The following ZNF536 variants were observed in gnomAD, a reference collection of about 807,000 sequenced individuals.
ZNF536 encodes zinc finger protein 536.
In ZNF536, 13 loss-of-function variants were observed where a neutral mutation model predicts 84.5. The ratio of observed to expected loss-of-function variants is 0.15; its 90% CI spans 0.10 to 0.24. The LOEUF (loss-of-function observed/expected upper bound fraction) is 0.24, where lower values mean the gene tolerates loss of function less well. Ranked by LOEUF, ZNF536 falls within the 10% of genes least tolerant of loss-of-function variation. The pLI is 1.00. For missense variants in ZNF536, 1,536 were observed against 1,747.5 expected, an observed-to-expected ratio of 0.88 and a Z score of 2.16; for synonymous variants, 811 against 742.5, an observed-to-expected ratio of 1.09 and a Z score of -1.50.
chr19:30,532,436 A>G (rs2044874995), intron 2 of ZNF536, among the ~76,000 whole-genome samples: 1 of 152,078 alleles, frequency 6.6e-6, no homozygotes, highest in Non-Finnish European at 1.5e-5. Flanking sequence ...CGGCCCAATA[A>G]TTACACTTCT....
chr19:30,307,623 C>A (rs1234887367), intron 2 of ZNF536, among the ~76,000 whole-genome samples: 1 of 152,164 alleles, frequency 6.6e-6, no homozygotes, highest in Non-Finnish European at 1.5e-5. Flanking sequence ...ATACGTCCCT[C>A]CTGCTTCATA....
At chr19:30,564,473 G>A (rs376735174) in intron 1 of ZNF536, among the ~76,000 whole-genome samples, 5 of 152,108 alleles carry the variant, frequency 3.3e-5, no homozygotes, top group Non-Finnish European at 5.9e-5. Flanking sequence ...AACCTTTTCC[G>A]AAGCCTCCTG....
chr19:30,339,109 C>T (rs1033708468), intron 2 of ZNF536, among the ~76,000 whole-genome samples: 3 of 152,178 alleles, frequency 2.0e-5, no homozygotes, highest in Non-Finnish European at 4.4e-5. Flanking sequence ...CTGCATGTGC[C>T]GCCGCCTCCT....
rs1409346557 is a variant in ZNF536 at position 30,445,577 on chromosome 19, G to C, written c.2015G>C (p.Arg672Pro). Reference sequence around the variant, plus strand: ...CTGCACGTGGGCCTGGATGAGCGGCGTGGCTCGGGCAGTGACCAGGAGTCC... The same window carrying C: ...CTGCACGTGGGCCTGGATGAGCGGCCTGGCTCGGGCAGTGACCAGGAGTCC... ...DGLHVGLDER[R>P]GSGSDQESQS... is the part of the protein sequence containing the mutation. Residue 672 changes from arginine to proline, a missense_variant, in exon 2 of 5, where the codon CGT becomes CCT. Arg to Pro is a moderately radical substitution (Grantham distance 103). Coordinates refer to ENST00000355537, the MANE Select transcript of ZNF536 (RefSeq NM_014717.3). This position sits in a 1 kb window ranked among gnomAD's most constrained non-coding sequence, Gnocchi z 4.5. 1.2e-6 allele frequency: 2 copies of C among 1,613,224 alleles called. No individual in the cohort carries two copies. Among genetic ancestry groups the C allele is most frequent in the South Asian group, 1.1e-5 (1 of 91,024 alleles).
chr19:30,471,471 T>C (rs2053631829), intron 2 of ZNF536, among the ~76,000 whole-genome samples: 1 of 152,228 alleles, frequency 6.6e-6, no homozygotes. Flanking sequence ...GGCTCCTGGG[T>C]GACGTGCACA....
At chr19:30,703,712 T>C (rs1337785507) in intron 1 of ZNF536, among the ~76,000 whole-genome samples, 2 of 152,182 alleles carry the variant, frequency 1.3e-5, no homozygotes, top group Non-Finnish European at 2.9e-5. Flanking sequence ...TGAGTCAGCT[T>C]AGATCAACAG....
chr19:30,382,822 G>C (rs2049075436), intron 1 of ZNF536, among the ~76,000 whole-genome samples: 1 of 152,104 alleles, frequency 6.6e-6, no homozygotes, highest in African/African-American at 2.4e-5. Flanking sequence ...GACTTCTGAA[G>C]CACACAGGTG....
At chr19:30,344,057 C>T (rs976139213) in intron 2 of ZNF536, among the ~76,000 whole-genome samples, 1 of 151,894 alleles carries the variant, frequency 6.6e-6, no homozygotes, top group African/African-American at 2.4e-5. Context: ...GTTGAAGGGG[C>T]CCCTGTCAGA....
rs1283837963 is a variant in ZNF536 at position 30,573,632 on chromosome 19, A to C, written c.169+24118A>C. ...TTGTCCTCACGGACCAAGACTGTCC[A>C]TGACAGAGTCCATGGATTGAACTAC... On this transcript the variant is annotated intron_variant, in intron 1 of 1. Coordinates refer to the ZNF536 transcript ENST00000592773. Among the ~76,000 whole-genome samples the C allele has an allele frequency of 2.6e-5, 4 of 152,228 alleles. No homozygotes were observed. In the East Asian group the frequency reaches 7.7e-4, roughly 29 times the overall value.
chr19:30,376,530 C>G (rs1020303576), intron 1 of ZNF536, among the ~76,000 whole-genome samples: 1 of 152,170 alleles, frequency 6.6e-6, no homozygotes, highest in African/African-American at 2.4e-5. Flanking sequence ...CTGGATACTC[C>G]GTGGGTCTGG....
At chr19:30,563,275 C>T (rs973897922) in intron 1 of ZNF536, among the ~76,000 whole-genome samples, 1 of 152,256 alleles carries the variant, frequency 6.6e-6, no homozygotes, top group African/African-American at 2.4e-5. Flanking sequence ...TTCTTCCCAT[C>T]CCTGGGGTGA....
chr19:30,697,177 C>T (rs1458128136), intron 1 of ZNF536, among the ~76,000 whole-genome samples: 1 of 152,152 alleles, frequency 6.6e-6, no homozygotes, highest in Non-Finnish European at 1.5e-5. Context: ...CATCAGCACT[C>T]ATGAGAACTC....
chr19:30,701,191 TCACACACACA>T (rs56314262), intron 1 of ZNF536, among the ~76,000 whole-genome samples: 3 of 150,000 alleles, frequency 2.0e-5, no homozygotes, highest in East Asian at 2.0e-4. Flanking sequence ...TATCTCACTC[TCACACACACA>T]CACACACACA....
At chr19:30,575,389 C>T (rs1292020780) in intron 1 of ZNF536, among the ~76,000 whole-genome samples, 1 of 152,204 alleles carries the variant, frequency 6.6e-6, no homozygotes, top group East Asian at 1.9e-4. Flanking sequence ...GACACCACCC[C>T]TCCCATCCAG....
intron 1 of ZNF536, among the ~76,000 whole-genome samples, chr19:30,574,644 A>G (rs1265285579): frequency 6.6e-6 from 1 of 152,230 alleles, no homozygotes; most frequent in African/African-American, 2.4e-5. Context: ...GGGAGCTTGC[A>G]TGCTCACTTA....
intron 2 of ZNF536, among the ~76,000 whole-genome samples, chr19:30,348,839 A>ATTTTTTTTTTTT (rs2047837258): frequency 7.1e-6 from 1 of 141,676 alleles, no homozygotes. Context: ...TTTTCACGTG[A>ATTTTTTTTTTTT]TCCCTGAGAG....
At chr19:30,499,527 T>G (rs2054864972) in intron 2 of ZNF536, among the ~76,000 whole-genome samples, 1 of 152,254 alleles carries the variant, frequency 6.6e-6, no homozygotes, top group Admixed American at 6.5e-5. Context: ...CATATAGCTA[T>G]CTATATTTAT....
chr19:30,592,204 T>C (rs2047299423), intron 1 of ZNF536, among the ~76,000 whole-genome samples: 1 of 152,154 alleles, frequency 6.6e-6, no homozygotes, highest in Admixed American at 6.5e-5. Flanking sequence ...AAAAATAGCA[T>C]CCATTTTGGG....
intron 2 of ZNF536, among the ~76,000 whole-genome samples, chr19:30,461,734 A>G (rs984185812): frequency 2.0e-5 from 3 of 152,206 alleles, no homozygotes; most frequent in Non-Finnish European, 4.4e-5. Flanking sequence ...CCCCCGTCTC[A>G]GTTCCCCAGT....
Sources: allele counts gnomAD v4.1 joint callset (sites outside exome capture counted in the v4.1 genomes callset), GRCh38; gene constraint gnomAD v4.1.1; non-coding constraint Gnocchi (gnomAD v3.1); transcripts MANE v1.5; gene names NCBI Gene and HGNC (gene_info 2026-07-23, HGNC 2026-07-21).